The following DOCK4 variants were observed in gnomAD, a reference collection of about 807,000 sequenced individuals.
DOCK4 encodes dedicator of cytokinesis protein 4.
In DOCK4, 97 loss-of-function variants were observed where a neutral mutation model predicts 268.1. The observed-to-expected ratio is 0.36, with a 90% CI of 0.31 to 0.43. The LOEUF is 0.43. DOCK4 is among the 20% of genes least tolerant of loss of function. The pLI, the probability that DOCK4 is intolerant of heterozygous loss-of-function variation, is 1.00. For missense variants in DOCK4, 2,145 were observed against 2,455.7 expected (o/e 0.87, Z 2.67); for synonymous variants, 954 against 887.2 (o/e 1.08, Z -1.34).
intron 47 of DOCK4, among the ~76,000 whole-genome samples, chr7:111,740,763 CAAGCTAAGAGGCAGCTAGTGAGTGGCA>C (rs1795863999): frequency 2.1e-5 from 1 of 48,488 alleles, no homozygotes; most frequent in Admixed American, 2.3e-4. Flanking sequence ...AAAAAAAAGG[CAAGCTAAGAGGCAGCTAGTGAGTGGCA>C]ACACACTCTG....
intron 3 of DOCK4, among the ~76,000 whole-genome samples, chr7:112,000,233 CA>C (rs1800312480): frequency 6.6e-6 from 1 of 152,056 alleles, no homozygotes; most frequent in Non-Finnish European, 1.5e-5. Flanking sequence ...ACTACCACTT[CA>C]AAAAGATTTT....
At chr7:112,067,596 T>C (rs1178009242) in intron 1 of DOCK4, among the ~76,000 whole-genome samples, 1 of 152,198 alleles carries the variant, frequency 6.6e-6, no homozygotes, top group Admixed American at 6.5e-5. Flanking sequence ...AATGTCACAG[T>C]AAAGTACTGG....
At chr7:111,860,408 C>T (rs527617530) in intron 23 of DOCK4, among the ~76,000 whole-genome samples, 7 of 152,332 alleles carry the variant, frequency 4.6e-5, no homozygotes, top group Middle Eastern at 3.4e-3. Flanking sequence ...ACATCACAGT[C>T]TCTGTTTTCT....
chr7:111,732,365 CA>C (rs1264945838), intron 51 of DOCK4, 78 bp from the exon 52 acceptor site: 36 of 1,453,032 alleles, frequency 2.5e-5, no homozygotes, highest in Non-Finnish European at 3.5e-5. Flanking sequence ...CTCTGTGTTA[CA>C]AACCCAAACA....
intron 27 of DOCK4, among the ~76,000 whole-genome samples, chr7:111,819,091 T>TG (rs1292831415): frequency 6.6e-6 from 1 of 152,228 alleles, no homozygotes; most frequent in African/African-American, 2.4e-5. Flanking sequence ...AGATCTCATT[T>TG]GAAACCCAAG....
chr7:111,887,225 G>A (rs1270479139), intron 16 of DOCK4, among the ~76,000 whole-genome samples: 1 of 152,192 alleles, frequency 6.6e-6, no homozygotes, highest in Non-Finnish European at 1.5e-5. Flanking sequence ...AGTGGATGGA[G>A]ACAAGACAAA....
intron 16 of DOCK4, among the ~76,000 whole-genome samples, chr7:111,894,290 C>G (rs1456079565): frequency 6.6e-6 from 1 of 152,050 alleles, no homozygotes; most frequent in Non-Finnish European, 1.5e-5. Flanking sequence ...ATTTAACTAG[C>G]AATCCAAAGA....
chr7:111,782,799 A>G, intron 35 of DOCK4, 65 bp downstream of exon 35: 1 of 1,471,278 alleles, frequency 6.8e-7, no homozygotes, highest in South Asian at 1.1e-5. Flanking sequence ...AACAAAACAT[A>G]GTATTTCTGG....
At chr7:111,984,748 C>T (rs1798919287) in intron 6 of DOCK4, among the ~76,000 whole-genome samples, 1 of 152,146 alleles carries the variant, frequency 6.6e-6, no homozygotes, top group African/African-American at 2.4e-5. Context: ...TAGAGCTAGA[C>T]ATCATTTGGT....
chr7:111,916,045 A>G lies in DOCK4; in HGVS notation c.1067-141T>C, dbSNP rs1586359980. 2.6e-5 allele frequency: 22 copies of G among 858,782 alleles called. No individual in the cohort carries two copies. The South Asian group carries it at 3.4e-4, about 13-fold the overall frequency. 53.2% of individuals were successfully genotyped at this position (858,782 alleles called of 1,614,324 possible). A position where few individuals can be genotyped will look rare whatever the true frequency, so the allele number is the denominator to read the frequency against. ...TATTCCGACGAAATCGACAGAATCT[A>G]TATGAATCATATCTGAATAACACTT... On this transcript the variant is annotated intron_variant, in intron 12 of 52. Coordinates refer to ENST00000428084, the MANE Select transcript of DOCK4 (RefSeq NM_001363540.2).
chr7:112,176,973 T>C (rs1041659914), intron 1 of DOCK4, among the ~76,000 whole-genome samples: 3 of 152,180 alleles, frequency 2.0e-5, no homozygotes, highest in African/African-American at 7.2e-5. Flanking sequence ...ATAAGTTCCC[T>C]AGGTTACAAG....
intron 7 of DOCK4, among the ~76,000 whole-genome samples, chr7:111,978,214 G>C (rs1033664314): frequency 3.3e-5 from 5 of 152,144 alleles, no homozygotes; most frequent in African/African-American, 9.7e-5. Flanking sequence ...GTGATGAATG[G>C]AAGCAAAGAC....
intron 1 of DOCK4, among the ~76,000 whole-genome samples, chr7:112,078,148 G>C (rs74653302): frequency 0.027 from 4,060 of 152,074 alleles, 203 homozygotes; most frequent in African/African-American, 0.093. Flanking sequence ...TAAAATTTTA[G>C]AACTATCAGG....
At chr7:111,991,693 G>A (rs1368391872) in intron 5 of DOCK4, among the ~76,000 whole-genome samples, 1 of 150,814 alleles carries the variant, frequency 6.6e-6, no homozygotes, top group African/African-American at 2.4e-5. Flanking sequence ...TGGGCGAGGT[G>A]GCTCATGCCT....
intron 42 of DOCK4, among the ~76,000 whole-genome samples, chr7:111,752,308 T>G (rs996448646): frequency 6.6e-6 from 1 of 152,086 alleles, no homozygotes; most frequent in Non-Finnish European, 1.5e-5. Context: ...CTGGCTGCCA[T>G]GTACAGAGGA....
chr7:111,910,970 G>A (rs949057022), intron 13 of DOCK4, among the ~76,000 whole-genome samples: 8 of 152,142 alleles, frequency 5.3e-5, no homozygotes, highest in Non-Finnish European at 7.4e-5. Context: ...CTGCGCCTAC[G>A]TTTTTCCCAT....
chr7:111,929,453 A>C (rs1262204861), intron 12 of DOCK4, among the ~76,000 whole-genome samples: 2 of 152,224 alleles, frequency 1.3e-5, no homozygotes, highest in Admixed American at 6.5e-5. Context: ...CACATATTAA[A>C]TGTCTAACCA....
chr7:112,043,402 A>C (rs1804567158), intron 1 of DOCK4, among the ~76,000 whole-genome samples: 1 of 152,232 alleles, frequency 6.6e-6, no homozygotes, highest in Non-Finnish European at 1.5e-5. Context: ...TGATTAGTAC[A>C]CAATGATGAA....
Position 112,145,015 on chromosome 7 carries a change from C to T in DOCK4, c.37+61087G>A, listed in dbSNP as rs746654570. On this transcript the variant is annotated intron_variant, in intron 1 of 52. Coordinates refer to ENST00000428084, the MANE Select transcript of DOCK4 (RefSeq NM_001363540.2). The stretch of plus-strand genomic sequence containing the variant: ...TTAAGCTATAAATGCAGAAATTTTC[C>T]GGTGCTTCTGTAAGAGCACTCCCTA... 1.1e-4 allele frequency among the ~76,000 whole-genome samples: 17 copies of T among 152,146 alleles called. No individual in the cohort carries two copies. The East Asian group carries it at 1.4e-3, about 12-fold the overall frequency.
Sources: gnomAD v4.1 joint callset for allele counts (sites outside exome capture counted in the v4.1 genomes callset) on GRCh38, gnomAD v4.1.1 for gene constraint, MANE v1.5 for transcripts, NCBI Gene and HGNC (gene_info 2026-07-23, HGNC 2026-07-21) for gene names.